The following PDK1 variants were observed in gnomAD, a reference collection of about 807,000 sequenced individuals.
PDK1 encodes the protein [Pyruvate dehydrogenase (acetyl-transferring)] kinase isozyme 1, mitochondrial.
A neutral mutation model predicts 54.2 loss-of-function variants in PDK1; 39 were observed. That is an observed-to-expected ratio of 0.72 (90% CI 0.56 to 0.94). The LOEUF is 0.94. Among genes scored for constraint, PDK1 ranks in the 40% least tolerant of loss-of-function variants. PDK1 has a pLI of 0.00. For missense variants in PDK1, 552 were observed against 566.0 expected (o/e 0.98, Z 0.25); for synonymous variants, 221 against 207.1 (o/e 1.07, Z -0.58).
At chr2:172,650,057 T>C in the PDK1 span, among the ~76,000 whole-genome samples, 2 of 151,726 alleles carry the variant, frequency 1.3e-5, no homozygotes, top group Non-Finnish European at 2.9e-5. Context: ...AAAGTTGAAA[T>C]GAAGAAAAAA....
chr2:172,636,935 A>G, the PDK1 span, among the ~76,000 whole-genome samples: 4 of 152,182 alleles, frequency 2.6e-5, no homozygotes, highest in African/African-American at 9.7e-5. Context: ...AAAAAAGCGC[A>G]TAGAAAAAAA....
chr2:172,583,280 G>GTTT (rs1401815533), intron 8 of PDK1, among the ~76,000 whole-genome samples: 1 of 93,914 alleles, frequency 1.1e-5, no homozygotes, highest in Non-Finnish European at 2.0e-5. Flanking sequence ...AAAGTTTTCT[G>GTTT]GTTTTTTTTT....
chr2:172,689,048 C>T, the PDK1 span, among the ~76,000 whole-genome samples: 14 of 152,340 alleles, frequency 9.2e-5, no homozygotes, highest in South Asian at 8.3e-4. Flanking sequence ...GAAAGGGACC[C>T]GAGTGTGTTG....
chr2:172,622,129 C>CATATTATGTGAGATATGTTTATATCAT, the PDK1 span, among the ~76,000 whole-genome samples: 9 of 104,138 alleles, frequency 8.6e-5, no homozygotes, highest in African/African-American at 1.8e-4. Context: ...GTTTATATCT[C>CATATTATGTGAGATATGTTTATATCAT]ATATTATGTG....
At chr2:172,689,221 C>T in the PDK1 span, among the ~76,000 whole-genome samples, 2 of 152,126 alleles carry the variant, frequency 1.3e-5, no homozygotes, top group South Asian at 4.1e-4. Flanking sequence ...CTCTAGCTAG[C>T]TACAGAGCAC....
the PDK1 span, among the ~76,000 whole-genome samples, chr2:172,679,894 A>G: frequency 6.6e-6 from 1 of 152,190 alleles, no homozygotes; most frequent in Non-Finnish European, 1.5e-5. Context: ...CTTCATTTAG[A>G]GCACACCTAA....
At position 172,556,254 on chromosome 2, in the gene PDK1, G is replaced by C. The variant is rs763286895; in HGVS notation, c.104G>C (p.Ser35Thr). ...AGCTTCAGCTCGGACTCGGGCTCCA[G>C]CCCGGCGTCCGAGCGCGGCGTTCCG... ...SRSFSSDSGS[S>T]PASERGVPGQ... Residue 35 changes from serine to threonine, a missense_variant, in exon 1 of 11, where the codon AGC (serine) becomes ACC (threonine). Transcript: ENST00000282077. 1.4e-5 allele frequency: 21 copies of C among 1,476,544 alleles called. No individual in the cohort carries two copies. The highest frequency in any genetic ancestry group is 1.8e-5 in the Non-Finnish European group (20 of 1,120,052). The allele number at this position is 1,476,544 out of a possible 1,614,324, so 91.5% of individuals were successfully genotyped here. A position where few individuals can be genotyped will look rare whatever the true frequency, so the allele number is the denominator to read the frequency against.
chr2:172,674,782 G>A, the PDK1 span: 1 of 139,860 alleles, frequency 7.2e-6, no homozygotes, highest in African/African-American at 3.1e-5. Context: ...CAGGGCCTTC[G>A]GGAGGGGCGA....
At chr2:172,653,427 A>G in the PDK1 span, among the ~76,000 whole-genome samples, 1,429 of 152,038 alleles carry the variant, frequency 9.4e-3, 24 homozygotes, top group African/African-American at 0.033. Flanking sequence ...ACATGGTGAA[A>G]CTCCATCTCT....
chr2:172,615,873 A>G, the PDK1 span, among the ~76,000 whole-genome samples: 1 of 152,218 alleles, frequency 6.6e-6, no homozygotes, highest in South Asian at 2.1e-4. Flanking sequence ...GCAAGTCCAT[A>G]TCCTAAGTCT....
chr2:172,613,648 G>T (rs777968679), downstream of PDK1, among the ~76,000 whole-genome samples: 12 of 152,098 alleles, frequency 7.9e-5, no homozygotes, highest in Non-Finnish European at 1.2e-4. Context: ...CTATCAGATA[G>T]TCTCCTATCT....
chr2:172,695,261 C>T, the PDK1 span, among the ~76,000 whole-genome samples: 2 of 152,104 alleles, frequency 1.3e-5, no homozygotes, highest in South Asian at 4.1e-4. Context: ...TTTCTAAGAA[C>T]CCATGGATGC....
the PDK1 span, among the ~76,000 whole-genome samples, chr2:172,708,394 C>T: frequency 6.6e-6 from 1 of 152,054 alleles, no homozygotes; most frequent in African/African-American, 2.4e-5. Context: ...TTTAAATTGT[C>T]ATAATACTAT....
the PDK1 span, among the ~76,000 whole-genome samples, chr2:172,639,786 G>T: frequency 6.6e-6 from 1 of 152,112 alleles, no homozygotes; most frequent in Admixed American, 6.5e-5. Flanking sequence ...TTGGGCATGG[G>T]TTCTCGCTCT....
intron 10 of PDK1, among the ~76,000 whole-genome samples, chr2:172,593,378 A>G (rs1690714460): frequency 6.6e-6 from 1 of 152,174 alleles, no homozygotes; most frequent in Non-Finnish European, 1.5e-5. Context: ...ATGTACTGCC[A>G]AGGCTTTTTT....
At chr2:172,700,324 C>T in the PDK1 span, among the ~76,000 whole-genome samples, 14 of 150,468 alleles carry the variant, frequency 9.3e-5, no homozygotes, top group South Asian at 4.2e-4. Context: ...ACTTCCCAGA[C>T]GGGGCGGCCG....
At chr2:172,590,702 G>T (rs1400083244) in intron 9 of PDK1, among the ~76,000 whole-genome samples, 8 of 152,088 alleles carry the variant, frequency 5.3e-5, no homozygotes, top group Non-Finnish European at 1.0e-4. Flanking sequence ...GGACCCGAGC[G>T]GGTTGCCACT....
Position 172,564,509 on chromosome 2 carries a change from A to G in PDK1, c.417A>G (p.Thr139=), listed in dbSNP as rs772412656. The part of the protein sequence containing the change: ...AEDAKAIYDF[T]DTVIRIRNRH... Reference sequence around the variant, plus strand: ...GACAGATGGGTTTGTTTAGCTTTACAGATACTGTGATACGGATCAGAAACC... The same window carrying G: ...GACAGATGGGTTTGTTTAGCTTTACGGATACTGTGATACGGATCAGAAACC... The change falls in exon 4 of 11, where the codon ACA becomes ACG. Residue 139 remains threonine, a synonymous_variant. Coordinates refer to ENST00000282077, the MANE Select transcript of PDK1 (RefSeq NM_002610.5). 1 of 1,612,738 alleles carries G rather than the reference A, an allele frequency of 6.2e-7. No individual in the cohort carries two copies. The highest frequency in any genetic ancestry group is 1.1e-5 in the South Asian group (1 of 90,982).
At chr2:172,562,945 T>C in intron 3 of PDK1, 1 of 665,576 alleles carries the variant, frequency 1.5e-6, no homozygotes, top group Non-Finnish European at 2.5e-6. Context: ...CACATGTTTT[T>C]TGGACTGTCT....
Sources: gnomAD v4.1 joint callset for allele counts (sites outside exome capture counted in the v4.1 genomes callset) on GRCh38, gnomAD v4.1.1 for gene constraint, MANE v1.5 for transcripts, NCBI Gene and HGNC (gene_info 2026-07-23, HGNC 2026-07-21) for gene names.